The following INSR variants were observed in gnomAD, a reference collection of about 807,000 sequenced individuals.
The protein encoded by INSR is insulin receptor, also known as IR.
INSR carries 67 observed loss-of-function variants against 142.6 expected under a neutral mutation model. That is an observed-to-expected ratio of 0.47 (90% confidence interval 0.39 to 0.58). The LOEUF is 0.58. Among genes scored for constraint, INSR ranks in the 20% least tolerant of loss-of-function variants. The pLI, the probability that INSR is intolerant of heterozygous loss-of-function variation, is 0.00. For missense variants in INSR, 1,248 were observed against 1,833.2 expected (o/e 0.68, Z 5.83); for synonymous variants, 756 against 743.1 (o/e 1.02, Z -0.28).
chr19:7,162,382 A>C (rs1973776078), intron 9 of INSR, among the ~76,000 whole-genome samples: 1 of 150,208 alleles, frequency 6.7e-6, no homozygotes, highest in African/African-American at 2.5e-5. Context: ...ACCTGCAGAC[A>C]ATTGTGGTGT....
At chr19:7,255,972 C>T (rs573876746) in intron 2 of INSR, among the ~76,000 whole-genome samples, 8 of 152,158 alleles carry the variant, frequency 5.3e-5, no homozygotes, top group East Asian at 1.9e-4. Flanking sequence ...CAAAGGCCAA[C>T]GGCAATTCAT....
intron 2 of INSR, among the ~76,000 whole-genome samples, chr19:7,206,392 C>T (rs1975104820): frequency 6.6e-6 from 1 of 152,144 alleles, no homozygotes; most frequent in Admixed American, 6.5e-5. Flanking sequence ...AGTCTAGTTT[C>T]AAACCAGCCA....
At chr19:7,266,584 C>T (rs1253720311) in intron 2 of INSR, among the ~76,000 whole-genome samples, 1 of 151,998 alleles carries the variant, frequency 6.6e-6, no homozygotes, top group Non-Finnish European at 1.5e-5. Context: ...GGGGTTTCAC[C>T]GTGTTGGTCA....
intron 2 of INSR, among the ~76,000 whole-genome samples, chr19:7,195,020 A>C (rs907382621): frequency 6.6e-6 from 1 of 152,050 alleles, no homozygotes; most frequent in African/African-American, 2.4e-5. Context: ...CTCAGCCCCC[A>C]GCAGCATCCC....
chr19:7,190,900 T>A (rs1974564288), intron 2 of INSR, among the ~76,000 whole-genome samples: 1 of 152,218 alleles, frequency 6.6e-6, no homozygotes, highest in African/African-American at 2.4e-5. Flanking sequence ...GGTGATAGCT[T>A]TTAAATTGGC....
In INSR at chr19:7,146,236, C is replaced by CCTTTTTTTTTT. The variant is rs1424523294; in HGVS notation, c.2268-3147_2268-3146insAAAAAAAAAAG. 1.8e-5 allele frequency among the ~76,000 whole-genome samples: 2 copies of CCTTTTTTTTTT among 110,756 alleles called. 1 individual carries two copies. The highest frequency in any genetic ancestry group is 3.8e-5 in the Non-Finnish European group (2 of 53,232). 72.7% of individuals were successfully genotyped at this position (110,756 alleles called of 152,430 possible). On this transcript the variant is annotated intron_variant, in intron 11 of 21. Transcript: ENST00000302850. ...TTCAGTGCAGTATCTTTGTCAAGTT[C>CCTTTTTTTTTT]TTTTTTTTTTTTTTTTTTTTTTGAG...
At chr19:7,167,878 C>T (rs554692213) in intron 7 of INSR, 90 bp downstream of exon 7, 1 of 1,534,036 alleles carries the variant, frequency 6.5e-7, no homozygotes, top group South Asian at 1.1e-5. Context: ...TAGACAGGAA[C>T]CCAAGAGGGG....
At chr19:7,262,854 T>C (rs907621559) in intron 2 of INSR, among the ~76,000 whole-genome samples, 2 of 151,820 alleles carry the variant, frequency 1.3e-5, no homozygotes, top group African/African-American at 2.4e-5. Context: ...GAGAGGGAGA[T>C]GGTGGAGTGA....
rs1023611589 is a variant in INSR at position 7,293,854 on chromosome 19, G to A, written c.38C>T (p.Pro13Leu). Residue 13 changes from proline to leucine, a missense_variant, in exon 1 of 22, where the codon CCG becomes CTG. Physicochemically the swap from Pro to Leu is moderately conservative, Grantham distance 98. This residue lies in a region of INSR where 57 missense variants were observed against 49.5 expected (regional missense o/e 1.15). Transcript: ENST00000302850. ...CAGCGCGGCCACCGCCACCAGCAGC[G>A]GCGCGGCCGCCGCCCCCCGCCGGCC... ...TGGRRGAAAA[P>L]LLVAVAALLL... 28 of 1,254,630 alleles carry A rather than the reference G, an allele frequency of 2.2e-5. No homozygotes were observed. The highest frequency in any genetic ancestry group is 2.8e-5 in the Non-Finnish European group (28 of 1,006,322). 77.7% of individuals were successfully genotyped at this position (1,254,630 alleles called of 1,614,324 possible).
chr19:7,126,639 C>A lies in INSR; in HGVS notation c.2958G>T (p.Gly986=), dbSNP rs928708663. 6.4e-7 allele frequency: 1 copy of A among 1,564,988 alleles called. No homozygotes were observed. The stretch of plus-strand genomic sequence containing the variant: ...AAGAAGCGTAAAGCGGTCCCAGCGG[C>A]CCATCTGGCTGCCTGGAGGAGGAAA... The part of the protein sequence containing the change: ...YLFLRKRQPD[G]PLGPLYASSN... The change falls in exon 16 of 22, where the codon GGG becomes GGT. Residue 986 remains glycine (G), a synonymous_variant. Coordinates refer to ENST00000302850, the MANE Select transcript of INSR (RefSeq NM_000208.4).
At chr19:7,188,766 C>A (rs959011996) in intron 2 of INSR, among the ~76,000 whole-genome samples, 2 of 148,738 alleles carry the variant, frequency 1.3e-5, no homozygotes, top group Non-Finnish European at 3.0e-5. Context: ...CCCAGCTACT[C>A]GGGAGGCTGA....
At chr19:7,283,531 C>T (rs1373791378) in intron 1 of INSR, among the ~76,000 whole-genome samples, 1 of 152,096 alleles carries the variant, frequency 6.6e-6, no homozygotes. Context: ...CCTCTGCCTC[C>T]CGGGTTCCAG....
At chr19:7,201,732 G>A (rs1350387626) in intron 2 of INSR, among the ~76,000 whole-genome samples, 3 of 139,876 alleles carry the variant, frequency 2.1e-5, no homozygotes, top group Admixed American at 7.1e-5. Context: ...GCGCGATCTC[G>A]GCTCACGGCA....
intron 2 of INSR, among the ~76,000 whole-genome samples, chr19:7,265,377 C>T (rs943508439): frequency 1.3e-5 from 2 of 152,086 alleles, no homozygotes; most frequent in African/African-American, 4.8e-5. Flanking sequence ...GGGAGAGAAA[C>T]GAAACGCCCG....
At chr19:7,174,461 G>A (rs1348832074) in intron 4 of INSR, 122 bp downstream of exon 4, 3 of 1,107,252 alleles carry the variant, frequency 2.7e-6, no homozygotes, top group Non-Finnish European at 4.1e-6. Flanking sequence ...GCCACTGAAC[G>A]ACCATCCTAA....
chr19:7,190,144 C>T (rs920286652), intron 2 of INSR, among the ~76,000 whole-genome samples: 13 of 151,624 alleles, frequency 8.6e-5, no homozygotes, highest in African/African-American at 2.9e-4. Context: ...CCCAGGCATT[C>T]GAGACCAGCC....
intron 2 of INSR, among the ~76,000 whole-genome samples, chr19:7,194,280 G>A (rs895846815): frequency 2.0e-5 from 3 of 151,964 alleles, no homozygotes; most frequent in Non-Finnish European, 4.4e-5. Context: ...AGCTGGGCGT[G>A]GTGGTAGGCA....
chr19:7,183,045 T>A (rs565487772), intron 3 of INSR, among the ~76,000 whole-genome samples: 1 of 152,204 alleles, frequency 6.6e-6, no homozygotes, highest in South Asian at 2.1e-4. Context: ...CATATTGTAC[T>A]TGCAGGTTTC....
At chr19:7,142,389 C>CAAA (rs34453877) in intron 12 of INSR, among the ~76,000 whole-genome samples, 26 of 42,138 alleles carry the variant, frequency 6.2e-4, no homozygotes, top group African/African-American at 2.0e-3. Context: ...GACTTCATCT[C>CAAA]AAAAAAAAAA....
Sources: allele counts gnomAD v4.1 joint callset (sites outside exome capture counted in the v4.1 genomes callset), GRCh38; gene constraint gnomAD v4.1.1; regional missense constraint gnomAD v4.1.1; transcripts MANE v1.5; gene names NCBI Gene and HGNC (gene_info 2026-07-23, HGNC 2026-07-21).